The following PTPRD variants were observed in gnomAD, a reference collection of about 807,000 sequenced individuals.
PTPRD encodes receptor-type tyrosine-protein phosphatase delta.
Under a neutral mutation model 214.5 loss-of-function variants are expected in PTPRD, and 34 were observed. That is an observed-to-expected ratio of 0.16 (90% CI 0.12 to 0.21). The LOEUF is 0.21. Among genes scored for constraint, PTPRD ranks in the 10% least tolerant of loss-of-function variants. PTPRD has a pLI of 1.00. For synonymous variants in PTPRD, 1,128 were observed against 845.7 expected, an observed-to-expected ratio of 1.33 and a Z score of -5.79; for missense variants, 2,545 against 2,398.7, an observed-to-expected ratio of 1.06 and a Z score of -1.27.
intron 7 of PTPRD, among the ~76,000 whole-genome samples, chr9:9,602,578 C>A (rs2154338649): frequency 6.6e-6 from 1 of 151,956 alleles, no homozygotes; most frequent in South Asian, 2.1e-4. Context: ...TACCTGAGTA[C>A]CCTCATCGCT....
chr9:8,964,504 C>T (rs866140289), intron 11 of PTPRD, among the ~76,000 whole-genome samples: 1 of 151,814 alleles, frequency 6.6e-6, no homozygotes, highest in African/African-American at 2.4e-5. Context: ...TTTAAAGAAC[C>T]AATTTTTGGT....
At chr9:8,959,849 C>T (rs1276449230) in intron 11 of PTPRD, among the ~76,000 whole-genome samples, 1 of 151,926 alleles carries the variant, frequency 6.6e-6, no homozygotes, top group African/African-American at 2.4e-5. Context: ...GTTGCTAAAA[C>T]ATTCTCAGTT....
At chr9:9,128,720 A>C (rs541886631) in intron 10 of PTPRD, among the ~76,000 whole-genome samples, 39 of 152,354 alleles carry the variant, frequency 2.6e-4, no homozygotes, top group South Asian at 1.2e-3. Flanking sequence ...GTATGATTAG[A>C]TAAAAGTGGA....
chr9:10,588,451 C>CACAA (rs1555573832), intron 2 of PTPRD, among the ~76,000 whole-genome samples: 3 of 151,642 alleles, frequency 2.0e-5, no homozygotes, highest in Admixed American at 6.6e-5. Flanking sequence ...CACACACACA[C>CACAA]ACACTCACAA....
chr9:9,474,338 G>A (rs2094862457), intron 8 of PTPRD, among the ~76,000 whole-genome samples: 1 of 151,868 alleles, frequency 6.6e-6, no homozygotes. Flanking sequence ...CCAATATCAT[G>A]CCGTATTGAT....
intron 12 of PTPRD, among the ~76,000 whole-genome samples, chr9:8,640,848 A>C (rs1323684922): frequency 6.7e-6 from 1 of 149,248 alleles, no homozygotes; most frequent in Non-Finnish European, 1.5e-5. Context: ...AGTAAGACTC[A>C]AGATAATATA....
chr9:9,741,924 A>T (rs1306871839), intron 6 of PTPRD, among the ~76,000 whole-genome samples: 1 of 152,196 alleles, frequency 6.6e-6, no homozygotes, highest in East Asian at 1.9e-4. Context: ...ATACATGAGC[A>T]TGTGTCTTTA....
chr9:10,016,342 T>G (rs142401673), intron 4 of PTPRD, among the ~76,000 whole-genome samples: 4 of 147,184 alleles, frequency 2.7e-5, no homozygotes, highest in Admixed American at 1.4e-4. Flanking sequence ...GGAAATGAGA[T>G]AGATGATAGA....
intron 2 of PTPRD, among the ~76,000 whole-genome samples, chr9:10,552,115 C>T (rs1012081403): frequency 3.3e-5 from 5 of 152,098 alleles, no homozygotes; most frequent in Non-Finnish European, 7.4e-5. Flanking sequence ...TTTATTAGTA[C>T]AATTTTGCAG....
At chr9:8,982,203 A>T (rs2099316194) in intron 11 of PTPRD, among the ~76,000 whole-genome samples, 1 of 152,060 alleles carries the variant, frequency 6.6e-6, no homozygotes, top group African/African-American at 2.4e-5. Context: ...TTGACTTAGT[A>T]CTGAATGGTA....
intron 9 of PTPRD, among the ~76,000 whole-genome samples, chr9:9,275,590 C>T (rs1945297744): frequency 6.6e-6 from 1 of 151,222 alleles, no homozygotes; most frequent in South Asian, 2.1e-4. Flanking sequence ...TTAGGTTGGT[C>T]TAGACCATTG....
chr9:8,437,426 C>T (rs1016848015), intron 34 of PTPRD, among the ~76,000 whole-genome samples: 1 of 152,130 alleles, frequency 6.6e-6, no homozygotes, highest in Admixed American at 6.6e-5. Context: ...TTTCACAAAC[C>T]TGTAGGTGAC....
chr9:8,442,237 G>A lies in PTPRD; in HGVS notation c.3989-5548C>T, dbSNP rs530505846. On this transcript the variant is annotated intron_variant, in intron 34 of 45. Coordinates refer to ENST00000381196, the MANE Select transcript of PTPRD (RefSeq NM_002839.4). Reference sequence around the variant, plus strand: ...TTAGAAGCTAATTTATGGTATTTTTGCTTTTCAAAAGTCCTGCTCTGTTTT... The same window carrying A: ...TTAGAAGCTAATTTATGGTATTTTTACTTTTCAAAAGTCCTGCTCTGTTTT... Among the ~76,000 whole-genome samples, 3 of 152,268 alleles carry A rather than the reference G, an allele frequency of 2.0e-5. No homozygotes were observed. In the East Asian group the frequency reaches 5.8e-4, roughly 29 times the overall value.
intron 14 of PTPRD, among the ~76,000 whole-genome samples, chr9:8,566,100 A>ATGTG (rs139478736): frequency 0.083 from 11,428 of 137,766 alleles, 546 homozygotes; most frequent in African/African-American, 0.12. Flanking sequence ...AATGCAAAAT[A>ATGTG]TGTGTGTGTG....
intron 2 of PTPRD, among the ~76,000 whole-genome samples, chr9:10,564,294 C>A (rs928960439): frequency 2.7e-5 from 4 of 147,302 alleles, no homozygotes; most frequent in Non-Finnish European, 5.9e-5. Flanking sequence ...GGATTACAGG[C>A]ACGAGCTGCT....
chr9:10,307,082 G>A (rs1482593913), intron 3 of PTPRD, among the ~76,000 whole-genome samples: 1 of 152,088 alleles, frequency 6.6e-6, no homozygotes, highest in African/African-American at 2.4e-5. Context: ...AACATTTCCA[G>A]TTCTTTATTC....
At chr9:8,762,858 G>A (rs559731645) in intron 11 of PTPRD, among the ~76,000 whole-genome samples, 21 of 152,154 alleles carry the variant, frequency 1.4e-4, no homozygotes, top group Admixed American at 2.6e-4. Flanking sequence ...GCCTCCCAGC[G>A]GTGAGAAAAA....
At chr9:9,946,993 G>C (rs189205636) in intron 4 of PTPRD, among the ~76,000 whole-genome samples, 3 of 151,634 alleles carry the variant, frequency 2.0e-5, no homozygotes, top group African/African-American at 7.3e-5. Flanking sequence ...CATGCATAGA[G>C]TTCTATTTGC....
intron 2 of PTPRD, among the ~76,000 whole-genome samples, chr9:10,607,403 G>T (rs910894111): frequency 6.6e-6 from 1 of 151,588 alleles, no homozygotes; most frequent in Admixed American, 6.6e-5. Flanking sequence ...TTAAACTTTT[G>T]AGTACACCAT....
Sources: allele counts gnomAD v4.1 joint callset (sites outside exome capture counted in the v4.1 genomes callset), GRCh38; gene constraint gnomAD v4.1.1; transcripts MANE v1.5; gene names NCBI Gene and HGNC (gene_info 2026-07-23, HGNC 2026-07-21).